PTPN12: variants seen among roughly 807,000 people sequenced by gnomAD.
The protein encoded by PTPN12 is tyrosine-protein phosphatase non-receptor type 12.
PTPN12 carries 29 observed loss-of-function variants against 97.6 expected under a neutral mutation model. The ratio of observed to expected loss-of-function variants is 0.30; its 90% CI spans 0.22 to 0.41. The LOEUF is 0.41. PTPN12 is among the 10% of genes least tolerant of loss of function. PTPN12 has a pLI of 1.00. For synonymous variants in PTPN12, 327 were observed against 300.4 expected, an observed-to-expected ratio of 1.09 and a Z score of -0.91; for missense variants, 819 against 926.0, an observed-to-expected ratio of 0.88 and a Z score of 1.50.
intron 3 of PTPN12, among the ~76,000 whole-genome samples, chr7:77,582,809 G>A (rs1787565780): frequency 6.6e-6 from 1 of 151,446 alleles, no homozygotes; most frequent in South Asian, 2.1e-4. Context: ...AGTTTATGTG[G>A]TAAAATTATT....
intron 1 of PTPN12, among the ~76,000 whole-genome samples, chr7:77,560,653 T>C (rs926951401): frequency 7.2e-5 from 11 of 152,242 alleles, no homozygotes; most frequent in Non-Finnish European, 1.5e-4. Flanking sequence ...TATAAAATAT[T>C]GTCTTTTTGT....
At chr7:77,605,543 C>T (rs910934881) in intron 8 of PTPN12, among the ~76,000 whole-genome samples, 6 of 151,414 alleles carry the variant, frequency 4.0e-5, no homozygotes, top group Non-Finnish European at 7.4e-5. Context: ...CCTCAGCCTC[C>T]CAAGTAGCTG....
At chr7:77,588,581 G>A (rs1387664313) in intron 5 of PTPN12, among the ~76,000 whole-genome samples, 1 of 152,184 alleles carries the variant, frequency 6.6e-6, no homozygotes, top group Non-Finnish European at 1.5e-5. Flanking sequence ...AGCATATGCT[G>A]TTGAAAAAAT....
intron 8 of PTPN12, chr7:77,605,000 T>C (rs1788314486): frequency 8.7e-6 from 2 of 228,838 alleles, no homozygotes; most frequent in South Asian, 1.0e-4. Flanking sequence ...TTGATCTGGT[T>C]ATCTGTATCT....
intron 15 of PTPN12, among the ~76,000 whole-genome samples, chr7:77,636,256 TTTCTTTGACA>T (rs1789586394): frequency 6.6e-6 from 1 of 151,856 alleles, no homozygotes; most frequent in Non-Finnish European, 1.5e-5. Flanking sequence ...CTACCTGGCA[TTTCTTTGACA>T]TTCGAGAAAT....
At chr7:77,540,545 T>C (rs1806918776) in intron 1 of PTPN12, among the ~76,000 whole-genome samples, 1 of 152,100 alleles carries the variant, frequency 6.6e-6, no homozygotes, top group Non-Finnish European at 1.5e-5. Context: ...AGAGTTCATT[T>C]CTCCAAGAGT....
Position 77,537,419 on chromosome 7 carries a change from G to T in PTPN12, c.-128G>T. On this transcript the variant is annotated 5_prime_UTR_variant, in exon 1 of 18. Coordinates refer to ENST00000248594, the MANE Select transcript of PTPN12 (RefSeq NM_002835.4). ...GGGCGGTGGGGAGGAGGAGGGAGCC[G>T]CGGGGCTTGGCGGGGTCGGGAGGGA... The T allele has an allele frequency of 7.5e-7, 1 of 1,335,588 alleles. No individual in the cohort carries two copies. Among genetic ancestry groups the T allele is most frequent in the Non-Finnish European group, 9.7e-7 (1 of 1,028,510 alleles). 82.7% of individuals were successfully genotyped at this position (1,335,588 alleles called of 1,614,324 possible). A position where few individuals can be genotyped will look rare whatever the true frequency, so the allele number is the denominator to read the frequency against.
intron 1 of PTPN12, among the ~76,000 whole-genome samples, chr7:77,569,810 T>C (rs1259079784): frequency 1.3e-5 from 2 of 152,186 alleles, no homozygotes; most frequent in Middle Eastern, 3.2e-3. Flanking sequence ...TAACTTTGAA[T>C]ATAAATCATT....
chr7:77,537,453 C>T lies in PTPN12; in HGVS notation c.-94C>T. The T allele has an allele frequency of 7.8e-7, 1 of 1,276,376 alleles. No individual in the cohort carries two copies. Among genetic ancestry groups the T allele is most frequent in the Non-Finnish European group, 1.0e-6 (1 of 1,002,300 alleles). 79.1% of individuals were successfully genotyped at this position (1,276,376 alleles called of 1,614,324 possible). Reference sequence around the variant, plus strand: ...GGCGGGGTCGGGAGGGAGGGACGTGCTGGGGGAACGAGCTGGGGAAGACGG... The same window carrying T: ...GGCGGGGTCGGGAGGGAGGGACGTGTTGGGGGAACGAGCTGGGGAAGACGG... On this transcript the variant is annotated 5_prime_UTR_variant, in exon 1 of 18. Coordinates refer to ENST00000248594, the MANE Select transcript of PTPN12 (RefSeq NM_002835.4).
chr7:77,551,243 T>C (rs901482419), intron 1 of PTPN12, among the ~76,000 whole-genome samples: 6 of 152,136 alleles, frequency 3.9e-5, no homozygotes, highest in African/African-American at 1.4e-4. Context: ...GTATTTTTAG[T>C]ATAGACAAGG....
chr7:77,613,130 G>A (rs2151378808), intron 11 of PTPN12, among the ~76,000 whole-genome samples: 1 of 149,364 alleles, frequency 6.7e-6, no homozygotes, highest in East Asian at 2.0e-4. Context: ...ATTTCGAAAA[G>A]CTGAGTAGGC....
intron 1 of PTPN12, among the ~76,000 whole-genome samples, chr7:77,568,217 TAAATA>T (rs763480248): frequency 3.3e-5 from 5 of 150,258 alleles, no homozygotes; most frequent in South Asian, 2.1e-4. Context: ...AATCCAAACT[TAAATA>T]AGATAAATAT....
intron 11 of PTPN12, among the ~76,000 whole-genome samples, chr7:77,616,790 TG>T (rs1270265481): frequency 1.3e-5 from 2 of 152,128 alleles, no homozygotes; most frequent in Non-Finnish European, 2.9e-5. Flanking sequence ...GGTACTTTTT[TG>T]TTTTTTTTTG....
intron 12 of PTPN12, among the ~76,000 whole-genome samples, chr7:77,624,950 C>G (rs1349209383): frequency 6.6e-6 from 1 of 151,804 alleles, no homozygotes; most frequent in Non-Finnish European, 1.5e-5. Context: ...GCCTGGCCAA[C>G]ATGGCAAAAC....
At chr7:77,590,012 T>G (rs926311005) in intron 5 of PTPN12, among the ~76,000 whole-genome samples, 6 of 152,302 alleles carry the variant, frequency 3.9e-5, no homozygotes, top group Non-Finnish European at 8.8e-5. Flanking sequence ...CTGATAACCT[T>G]GACTTTGATC....
Position 77,564,149 on chromosome 7 carries a change from G to A in PTPN12, c.100-6929G>A, listed in dbSNP as rs537576413. ...CCACCTTGGCCTCCTAAAGTGCTGG[G>A]ATTACAGGCACAAGCCACCGTGCCC... is the stretch of plus-strand genomic sequence containing the variant. On this transcript the variant is annotated intron_variant, in intron 1 of 17. Coordinates refer to ENST00000248594, the MANE Select transcript of PTPN12 (RefSeq NM_002835.4). The A allele has an allele frequency of 6.4e-4, 122 of 189,974 alleles. 1 individual carries two copies. The highest frequency in any genetic ancestry group is 2.4e-3 in the African/African-American group (100 of 42,228). 11.8% of individuals were successfully genotyped at this position (189,974 alleles called of 1,614,324 possible).
At chr7:77,605,582 G>A (rs1305192953) in intron 8 of PTPN12, among the ~76,000 whole-genome samples, 7 of 72,660 alleles carry the variant, frequency 9.6e-5, no homozygotes, top group Non-Finnish European at 1.6e-4. Context: ...ACCACGCCCG[G>A]CTAATTTTTT....
chr7:77,629,242 C>T (rs1301628224), intron 13 of PTPN12, among the ~76,000 whole-genome samples: 1 of 152,216 alleles, frequency 6.6e-6, no homozygotes, highest in East Asian at 1.9e-4. Context: ...AGCCACCACG[C>T]CCAGCCAGGT....
chr7:77,572,122 T>C (rs1035965577), intron 2 of PTPN12, among the ~76,000 whole-genome samples: 6 of 151,464 alleles, frequency 4.0e-5, no homozygotes, highest in Admixed American at 1.3e-4. Flanking sequence ...TTTGTGACAG[T>C]CTTGCTCTGT....
Sources: allele counts gnomAD v4.1 joint callset (sites outside exome capture counted in the v4.1 genomes callset), GRCh38; gene constraint gnomAD v4.1.1; transcripts MANE v1.5; gene names NCBI Gene and HGNC (gene_info 2026-07-23, HGNC 2026-07-21).